PDE8B: variants seen among roughly 807,000 people sequenced by gnomAD.
The protein encoded by PDE8B is high affinity cAMP-specific and IBMX-insensitive 3',5'-cyclic phosphodiesterase 8B.
Under a neutral mutation model 101.3 loss-of-function variants are expected in PDE8B, and 26 were observed. The ratio of observed to expected loss-of-function variants is 0.26; its 90% CI spans 0.19 to 0.36. The LOEUF is 0.36. Among genes scored for constraint, PDE8B ranks in the 10% least tolerant of loss-of-function variants. The probability of loss-of-function intolerance (pLI) is 1.00; values close to 1 mark genes in which losing one functional copy is unlikely to be tolerated. For synonymous variants in PDE8B, 424 were observed against 429.3 expected, an observed-to-expected ratio of 0.99 and a Z score of 0.15; for missense variants, 810 against 1,163.1, an observed-to-expected ratio of 0.70 and a Z score of 4.42.
At chr5:77,374,887 T>C (rs1271482091) in intron 10 of PDE8B, among the ~76,000 whole-genome samples, 1 of 152,150 alleles carries the variant, frequency 6.6e-6, no homozygotes, top group African/African-American at 2.4e-5. Flanking sequence ...CCCTAAGGAC[T>C]TGGCCTCAGC....
chr5:77,349,470 C>G lies in PDE8B; in HGVS notation c.928C>G (p.Leu310Val), dbSNP rs1780704012. 1 of 1,614,140 alleles carries G rather than the reference C, an allele frequency of 6.2e-7. No individual in the cohort carries two copies. Among genetic ancestry groups the G allele is most frequent in the Non-Finnish European group, 8.5e-7 (1 of 1,180,026 alleles). ...RMMGYHKGELLGKELADLPKS... is the reference protein window; with the variant it reads ...RMMGYHKGELVGKELADLPKS... Reference sequence around the variant, plus strand: ...GATGGGCTACCACAAAGGTGAGCTCCTGGGAAAAGAACTCGCTGATCTGCC... The same window carrying G: ...GATGGGCTACCACAAAGGTGAGCTCGTGGGAAAAGAACTCGCTGATCTGCC... Residue 310 changes from leucine to valine, a missense_variant, in exon 8 of 22, where the codon CTG becomes GTG. Physicochemically the swap from Leu to Val is conservative, Grantham distance 32 (BLOSUM62 1). Transcript: ENST00000264917.
chr5:77,322,244 G>A (rs905542126), intron 2 of PDE8B, among the ~76,000 whole-genome samples: 1 of 152,128 alleles, frequency 6.6e-6, no homozygotes, highest in Non-Finnish European at 1.5e-5. Context: ...TGGTTGATTT[G>A]CATATGAAGG....
intron 6 of PDE8B, 76 bp downstream of exon 6, chr5:77,337,391 CA>C (rs1246597309): frequency 3.7e-6 from 3 of 806,166 alleles, no homozygotes; most frequent in Non-Finnish European, 6.5e-6. Flanking sequence ...GGCTGATGTT[CA>C]GGGGTTCATA....
upstream of PDE8B, among the ~76,000 whole-genome samples, chr5:77,209,476 T>C (rs1471451684): frequency 6.6e-6 from 1 of 152,222 alleles, no homozygotes; most frequent in African/African-American, 2.4e-5. Flanking sequence ...TAAAATCCTT[T>C]CTTAGACCAT....
chr5:77,180,709 C>T, the PDE8B span, among the ~76,000 whole-genome samples: 1 of 152,218 alleles, frequency 6.6e-6, no homozygotes, highest in Non-Finnish European at 1.5e-5. Context: ...TCTAGTGTAA[C>T]CGTCAGGTTT....
chr5:77,229,818 A>G (rs1284439032), intron 1 of PDE8B, among the ~76,000 whole-genome samples: 1 of 152,214 alleles, frequency 6.6e-6, no homozygotes, highest in African/African-American at 2.4e-5. Context: ...TGGATATACT[A>G]CATTTTGTTT....
At chr5:77,191,601 T>C in the PDE8B span, among the ~76,000 whole-genome samples, 1 of 152,014 alleles carries the variant, frequency 6.6e-6, no homozygotes, top group Non-Finnish European at 1.5e-5. Flanking sequence ...GATCCACCCG[T>C]CTCGGCCTCC....
intron 1 of PDE8B, among the ~76,000 whole-genome samples, chr5:77,281,275 C>T (rs554491430): frequency 1.1e-4 from 17 of 152,334 alleles, no homozygotes; most frequent in African/African-American, 3.8e-4. Flanking sequence ...GGCCTAGATT[C>T]TGTTGTCTGG....
In PDE8B at chr5:77,210,692, TC is replaced by T. The variant is rs1748066144; in HGVS notation, c.-229del. ...CGCGCGGGGCGCTGTGTATGCGCGC[TC>T]CCCCGCTCGGGGAGGAAGATGGCCC... On this transcript the variant is annotated 5_prime_UTR_variant, in exon 1 of 22. An upstream open reading frame in the 5' UTR gains an earlier in-frame stop. Transcript: ENST00000264917. The surrounding 1 kb of genome is among the most constrained non-coding windows in gnomAD (Gnocchi z 4.9). 3 of 978,904 alleles carry T rather than the reference TC, an allele frequency of 3.1e-6. No individual in the cohort carries two copies. Among genetic ancestry groups the T allele is most frequent in the African/African-American group, 1.8e-5 (1 of 56,004 alleles). The allele number at this position is 978,904 out of a possible 1,614,324, so 60.6% of individuals were successfully genotyped here. A position where few individuals can be genotyped will look rare whatever the true frequency, so the allele number is the denominator to read the frequency against.
At chr5:77,103,266 T>C in the PDE8B span, among the ~76,000 whole-genome samples, 1 of 152,164 alleles carries the variant, frequency 6.6e-6, no homozygotes, top group Non-Finnish European at 1.5e-5. Flanking sequence ...TAATGGAAAA[T>C]ACTTGAAATA....
chr5:77,195,153 T>C, the PDE8B span, among the ~76,000 whole-genome samples: 1 of 152,234 alleles, frequency 6.6e-6, no homozygotes, highest in Admixed American at 6.5e-5. Flanking sequence ...CCTGCATCCA[T>C]TGAGGGCCTT....
chr5:77,277,869 C>T (rs988366350), intron 1 of PDE8B, among the ~76,000 whole-genome samples: 3 of 152,232 alleles, frequency 2.0e-5, no homozygotes, highest in Non-Finnish European at 4.4e-5. Context: ...ATTTTAATCA[C>T]TCTGGAAATA....
At chr5:77,302,299 C>T (rs1041980240) in intron 1 of PDE8B, among the ~76,000 whole-genome samples, 2 of 152,350 alleles carry the variant, frequency 1.3e-5, no homozygotes, top group Middle Eastern at 6.8e-3. Context: ...CATCCCCCCT[C>T]CACTGGCACA....
chr5:77,089,294 C>T, the PDE8B span: 1 of 153,966 alleles, frequency 6.5e-6, no homozygotes, highest in East Asian at 1.9e-4. Context: ...TTGTGTGCCC[C>T]TTGTGAGAAT....
At chr5:77,412,316 CAT>C in intron 16 of PDE8B, 81 bp downstream of exon 16, 1 of 1,466,194 alleles carries the variant, frequency 6.8e-7, no homozygotes, top group African/African-American at 1.4e-5. Context: ...TTGAGGGAGA[CAT>C]GTTTTTGCTG....
intron 1 of PDE8B, among the ~76,000 whole-genome samples, chr5:77,253,385 G>A (rs1758469399): frequency 6.6e-6 from 1 of 152,116 alleles, no homozygotes; most frequent in Non-Finnish European, 1.5e-5. Context: ...ATTTTCCTTA[G>A]CAGTTTTCCC....
the PDE8B span, among the ~76,000 whole-genome samples, chr5:77,200,563 T>TA: frequency 4.6e-5 from 7 of 152,108 alleles, no homozygotes; most frequent in Admixed American, 1.3e-4. Context: ...GGCTTTTTTT[T>TA]AAAAAATTTT....
At chr5:77,303,563 C>A (rs991224383) in intron 1 of PDE8B, among the ~76,000 whole-genome samples, 6 of 131,380 alleles carry the variant, frequency 4.6e-5, no homozygotes, top group Admixed American at 8.5e-5. Flanking sequence ...AGCAAGACTC[C>A]ATCTCAAAAT....
At chr5:77,360,077 C>T (rs944027740) in intron 10 of PDE8B, among the ~76,000 whole-genome samples, 3 of 146,386 alleles carry the variant, frequency 2.0e-5, no homozygotes, top group Admixed American at 6.9e-5. Flanking sequence ...GGTGACACAG[C>T]GAGACTTCAT....
Sources: gnomAD v4.1 joint callset for allele counts (sites outside exome capture counted in the v4.1 genomes callset) on GRCh38, gnomAD v4.1.1 for gene constraint, Gnocchi (gnomAD v3.1) non-coding constraint, MANE v1.5 for transcripts, NCBI Gene and HGNC (gene_info 2026-07-23, HGNC 2026-07-21) for gene names.